TBC1D32: variants seen among roughly 807,000 people sequenced by gnomAD.
TBC1D32 encodes the protein protein broad-minded.
Under a neutral mutation model 170.3 loss-of-function variants are expected in TBC1D32, and 151 were observed. The ratio of observed to expected loss-of-function variants is 0.89; its 90% CI spans 0.78 to 1.01. The LOEUF (loss-of-function observed/expected upper bound fraction) is 1.01. Among genes scored for constraint, TBC1D32 ranks in the 50% least tolerant of loss-of-function variants. The pLI, the probability that TBC1D32 is intolerant of heterozygous loss-of-function variation, is 0.00. For synonymous variants in TBC1D32, 498 were observed against 488.0 expected (o/e 1.02, Z -0.27); for missense variants, 1,464 against 1,457.1 (o/e 1.00, Z -0.08).
intron 22 of TBC1D32, among the ~76,000 whole-genome samples, chr6:121,192,082 A>ATATATATATATC (rs57260767): frequency 0.026 from 3,407 of 133,572 alleles, 152 homozygotes; most frequent in African/African-American, 0.065. Flanking sequence ...ATATATATAT[A>ATATATATATATC]TCCTATTAGT....
chr6:121,180,268 A>G (rs1788332644), intron 22 of TBC1D32, among the ~76,000 whole-genome samples: 1 of 152,156 alleles, frequency 6.6e-6, no homozygotes, highest in Admixed American at 6.6e-5. Context: ...AGGACTAAAA[A>G]TAGCTGAGAT....
intron 24 of TBC1D32, among the ~76,000 whole-genome samples, chr6:121,133,094 A>T (rs899883477): frequency 1.3e-5 from 2 of 151,866 alleles, no homozygotes; most frequent in African/African-American, 4.8e-5. Flanking sequence ...TTCTGCTCTA[A>T]ATTATGGTAT....
chr6:121,091,660 C>G (rs2128176151), intron 30 of TBC1D32, among the ~76,000 whole-genome samples: 1 of 152,032 alleles, frequency 6.6e-6, no homozygotes, highest in East Asian at 1.9e-4. Context: ...CTGTGGAAAA[C>G]AGGAAAGTTT....
rs189272840 is a variant in TBC1D32, at chr6:121,226,428, T to C, written c.2365-3076A>G. On this transcript the variant is annotated intron_variant, in intron 20 of 31. Transcript: ENST00000398212. ...GTGCTACATTAATGAGCAGTATCTT[T>C]ATCCTCTAGGGAAAGAAAAGGGCAA... Among the ~76,000 whole-genome samples, 78 of 152,244 alleles carry C rather than the reference T, an allele frequency of 5.1e-4. No individual in the cohort carries two copies. The East Asian group carries it at 0.015, about 28-fold the overall frequency.
At chr6:121,208,746 A>AAAAAAC (rs888268262) in intron 21 of TBC1D32, among the ~76,000 whole-genome samples, 30 of 150,846 alleles carry the variant, frequency 2.0e-4, no homozygotes, top group Non-Finnish European at 4.0e-4. Flanking sequence ...AAAAAAAAAA[A>AAAAAAC]ACAGAAATTA....
chr6:121,124,934 T>C (rs1780669192), intron 26 of TBC1D32, among the ~76,000 whole-genome samples: 1 of 152,206 alleles, frequency 6.6e-6, no homozygotes, highest in Non-Finnish European at 1.5e-5. Context: ...TCTGAATTGA[T>C]CTTAGTGTTT....
At chr6:121,085,307 A>C (rs924889386) in intron 31 of TBC1D32, among the ~76,000 whole-genome samples, 10 of 145,732 alleles carry the variant, frequency 6.9e-5, no homozygotes, top group Non-Finnish European at 1.0e-4. Flanking sequence ...ATACATATAT[A>C]TACATATATA....
At chr6:121,104,617 G>A (rs914650466) in intron 30 of TBC1D32, among the ~76,000 whole-genome samples, 6 of 151,436 alleles carry the variant, frequency 4.0e-5, no homozygotes, top group African/African-American at 1.2e-4. Context: ...ATATAACAAT[G>A]AATATAAAAA....
At chr6:121,160,142 C>A in intron 23 of TBC1D32, 39 bp from the exon 24 acceptor site, 1 of 1,245,866 alleles carries the variant, frequency 8.0e-7, no homozygotes, top group South Asian at 1.3e-5. Flanking sequence ...AGGAAGTGGT[C>A]TAAAATAATA....
intron 17 of TBC1D32, among the ~76,000 whole-genome samples, chr6:121,246,316 C>T (rs145932573): frequency 5.1e-4 from 78 of 151,864 alleles, no homozygotes; most frequent in East Asian, 3.9e-3. Flanking sequence ...CCTAAAAGCA[C>T]GAAGAATTAA....
chr6:121,171,420 G>A (rs1441656266), intron 22 of TBC1D32, among the ~76,000 whole-genome samples: 1 of 151,532 alleles, frequency 6.6e-6, no homozygotes, highest in Non-Finnish European at 1.5e-5. Flanking sequence ...GGAAAATGTG[G>A]CAGTAATACG....
At chr6:121,101,821 T>C (rs1283334210) in intron 30 of TBC1D32, among the ~76,000 whole-genome samples, 10 of 151,082 alleles carry the variant, frequency 6.6e-5, no homozygotes, top group East Asian at 5.8e-4. Flanking sequence ...GATGACATGA[T>C]TGTATATTTA....
At chr6:121,316,906 G>T (rs1809011030) in intron 3 of TBC1D32, among the ~76,000 whole-genome samples, 2 of 152,070 alleles carry the variant, frequency 1.3e-5, no homozygotes, top group Non-Finnish European at 2.9e-5. Flanking sequence ...ACAAGTTCAT[G>T]GCACATGCAT....
At chr6:121,161,626 A>T (rs577485200) in intron 22 of TBC1D32, among the ~76,000 whole-genome samples, 6 of 152,148 alleles carry the variant, frequency 3.9e-5, no homozygotes, top group Admixed American at 1.3e-4. Flanking sequence ...TGCTATTGTG[A>T]ATAGTGCTGC....
chr6:121,133,794 C>G (rs917699867), intron 24 of TBC1D32, among the ~76,000 whole-genome samples: 6 of 152,006 alleles, frequency 3.9e-5, no homozygotes. Context: ...CTATTCAGTA[C>G]TAATCTATTT....
intron 21 of TBC1D32, among the ~76,000 whole-genome samples, chr6:121,214,822 A>T (rs1217856277): frequency 2.0e-5 from 3 of 152,140 alleles, no homozygotes; most frequent in Non-Finnish European, 4.4e-5. Context: ...GGTGGGTTCC[A>T]AGCTCTTGTC....
At chr6:121,276,293 G>A (rs1004479670) in intron 15 of TBC1D32, among the ~76,000 whole-genome samples, 2 of 152,016 alleles carry the variant, frequency 1.3e-5, no homozygotes, top group Non-Finnish European at 2.9e-5. Context: ...AGGTCATTGC[G>A]CTAGATGTTA....
intron 20 of TBC1D32, among the ~76,000 whole-genome samples, chr6:121,237,421 A>G (rs1331436450): frequency 1.3e-5 from 2 of 151,872 alleles, no homozygotes; most frequent in African/African-American, 4.8e-5. Context: ...TAAGTTTTTC[A>G]TCTATAAATT....
intron 21 of TBC1D32, among the ~76,000 whole-genome samples, chr6:121,214,293 C>A (rs903790650): frequency 5.3e-5 from 8 of 152,176 alleles, no homozygotes; most frequent in Non-Finnish European, 1.2e-4. Flanking sequence ...GCCTGTGGCA[C>A]CTTTGCCTGA....
Sources: gnomAD v4.1 joint callset for allele counts (sites outside exome capture counted in the v4.1 genomes callset) on GRCh38, gnomAD v4.1.1 for gene constraint, MANE v1.5 for transcripts, NCBI Gene and HGNC (gene_info 2026-07-23, HGNC 2026-07-21) for gene names.